The following ABCB11 variants were observed in gnomAD, a reference collection of about 807,000 sequenced individuals.
The protein encoded by ABCB11 is ATP binding cassette subfamily B member 11, also known as bile salt export pump.
A neutral mutation model predicts 148.0 loss-of-function variants in ABCB11; 95 were observed. That is an observed-to-expected ratio of 0.64 (90% CI 0.54 to 0.76). The LOEUF is 0.76. Among genes scored for constraint, ABCB11 ranks in the 30% least tolerant of loss-of-function variants. The probability of loss-of-function intolerance (pLI) is 0.00; values close to 1 mark genes in which losing one functional copy is unlikely to be tolerated. For synonymous variants in ABCB11, 591 were observed against 555.4 expected (o/e 1.06, Z -0.90); for missense variants, 1,523 against 1,617.8 (o/e 0.94, Z 1.01).
At chr2:168,919,642 C>T (rs935078345), downstream of ABCB11, among the ~76,000 whole-genome samples, 2 of 151,776 alleles carry the variant, frequency 1.3e-5, no homozygotes, top group African/African-American at 4.8e-5. Context: ...AAAAAAAAGC[C>T]CCCTTTTGTG....
In ABCB11 at chr2:168,935,274, T is replaced by C. The variant is rs1160633234; in HGVS notation, c.2966A>G (p.Gln989Arg). ...AGAATTCGCAATAAACATGATGCAC[T>C]GGGCAAAGGCAAAGCAGAATCCGTA... ...NIYGFCFAFA[Q>R]CIMFIANSAS... is the part of the protein sequence containing the mutation. Residue 989 changes from glutamine (Q) to arginine (R), a missense_variant, in exon 23 of 28, where the codon CAG becomes CGG. By Grantham distance (43) the Gln-to-Arg change is conservative. Transcript: ENST00000650372. 1.2e-6 allele frequency: 2 copies of C among 1,614,030 alleles called. No homozygotes were observed. Among genetic ancestry groups the C allele is most frequent in the South Asian group, 1.1e-5 (1 of 91,088 alleles).
At chr2:168,924,624 A>T in intron 27 of ABCB11, 33 bp downstream of exon 27, 1 of 1,600,684 alleles carries the variant, frequency 6.2e-7, no homozygotes, top group Non-Finnish European at 8.5e-7. Flanking sequence ...ACTTATTTGT[A>T]ATGATCTAAG....
chr2:168,998,867 G>T (rs1299931706), intron 5 of ABCB11, among the ~76,000 whole-genome samples: 1 of 152,010 alleles, frequency 6.6e-6, no homozygotes, highest in Non-Finnish European at 1.5e-5. Flanking sequence ...ATTTTATTCT[G>T]GGAAGAAGAG....
chr2:168,923,438 T>G lies in ABCB11; in HGVS notation c.*184A>C. The G allele has an allele frequency of 1.6e-6, 1 of 635,016 alleles. No homozygotes were observed. Among genetic ancestry groups the G allele is most frequent in the South Asian group, 2.0e-5 (1 of 49,538 alleles). 39.3% of individuals were successfully genotyped at this position (635,016 alleles called of 1,614,324 possible). ...GTATACACATCTAAAGCAGAATTAT[T>G]ATGGAAGGCCATTAGAAATTAGCTT... On this transcript the variant is annotated 3_prime_UTR_variant, in exon 28 of 28. Transcript: ENST00000650372.
At chr2:168,943,133 T>C (rs1692143441) in intron 21 of ABCB11, among the ~76,000 whole-genome samples, 1 of 151,926 alleles carries the variant, frequency 6.6e-6, no homozygotes, top group African/African-American at 2.4e-5. Context: ...ATTCTAGTGA[T>C]AGCAAATAAC....
chr2:168,929,436 A>T (rs1448286370), intron 25 of ABCB11, among the ~76,000 whole-genome samples: 1 of 152,186 alleles, frequency 6.6e-6, no homozygotes, highest in East Asian at 1.9e-4. Flanking sequence ...AAAACAATCA[A>T]AAAAATATAA....
chr2:168,957,136 A>G (rs1395176822), intron 19 of ABCB11, among the ~76,000 whole-genome samples: 1 of 151,596 alleles, frequency 6.6e-6, no homozygotes, highest in Admixed American at 6.6e-5. Flanking sequence ...TACTGTTTCC[A>G]TGATCAAATT....
chr2:168,955,926 A>T (rs1404966460), intron 19 of ABCB11, among the ~76,000 whole-genome samples: 6 of 151,738 alleles, frequency 4.0e-5, no homozygotes, highest in African/African-American at 7.2e-5. Context: ...TCCAAAACCC[A>T]GCATGGCAGT....
chr2:168,946,693 A>T (rs1692339040), intron 19 of ABCB11, among the ~76,000 whole-genome samples: 1 of 151,834 alleles, frequency 6.6e-6, no homozygotes, highest in South Asian at 2.1e-4. Flanking sequence ...TCTATAGAAC[A>T]GCAGATTTTC....
At chr2:168,975,298 TATATTTAA>T (rs1341795710) in intron 12 of ABCB11, among the ~76,000 whole-genome samples, 946 of 40,124 alleles carry the variant, frequency 0.024, 208 homozygotes, top group Middle Eastern at 0.077. Context: ...TAAATATTTT[TATATTTAA>T]ATATTTATAG....
intron 5 of ABCB11, among the ~76,000 whole-genome samples, chr2:169,012,396 AAC>A (rs1478747715): frequency 1.3e-5 from 2 of 152,146 alleles, no homozygotes; most frequent in Non-Finnish European, 2.9e-5. Flanking sequence ...TCACAAAGAA[AAC>A]AGTAGCATAG....
At chr2:169,008,691 G>A (rs959487608) in intron 5 of ABCB11, among the ~76,000 whole-genome samples, 9 of 152,146 alleles carry the variant, frequency 5.9e-5, no homozygotes, top group African/African-American at 2.2e-4. Flanking sequence ...TACACTGTTA[G>A]CAGAAATGTA....
At chr2:169,008,599 G>C (rs557409164) in intron 5 of ABCB11, among the ~76,000 whole-genome samples, 1 of 152,136 alleles carries the variant, frequency 6.6e-6, no homozygotes. Context: ...ATATCTTTGG[G>C]GGTCATTATT....
At chr2:168,979,290 C>T (rs746823894) in intron 11 of ABCB11, among the ~76,000 whole-genome samples, 18 of 152,012 alleles carry the variant, frequency 1.2e-4, no homozygotes, top group Admixed American at 2.0e-4. Context: ...TTACTTCCCA[C>T]GCCCCACCTC....
At chr2:168,960,904 AATT>A (rs1378708667) in intron 18 of ABCB11, among the ~76,000 whole-genome samples, 13 of 151,738 alleles carry the variant, frequency 8.6e-5, no homozygotes, top group Admixed American at 8.5e-4. Context: ...AGACAGGTAA[AATT>A]ATAAAATTTA....
At chr2:168,969,959 CT>C (rs1369251009) in intron 15 of ABCB11, 85 bp downstream of exon 15, 64 of 959,216 alleles carry the variant, frequency 6.7e-5, no homozygotes, top group East Asian at 9.9e-5. Flanking sequence ...ACTCCCATCC[CT>C]CCCACCCCAC....
In ABCB11 at chr2:169,000,462, ATT is replaced by A. The variant is rs771338927; in HGVS notation, c.390-3742_390-3741del. On this transcript the variant is annotated intron_variant, in intron 5 of 27. Coordinates refer to ENST00000650372, the MANE Select transcript of ABCB11 (RefSeq NM_003742.4). ...ATAAGTCCATGATTCATTTAAGAAAATTTTTGTGTAATTTCATTTTTTTGCCC... is the reference window on the plus strand; with the variant it reads ...ATAAGTCCATGATTCATTTAAGAAAATTTGTGTAATTTCATTTTTTTGCCC... 1.1e-3 allele frequency among the ~76,000 whole-genome samples: 174 copies of A among 152,216 alleles called. 1 individual carries two copies. Among genetic ancestry groups the A allele is most frequent in the Admixed American group, 2.5e-3 (38 of 15,246 alleles).
At position 168,969,457 on chromosome 2, in the gene ABCB11, A is replaced by T. The variant is rs1190787525; in HGVS notation, c.1904T>A (p.Val635Glu). The stretch of plus-strand genomic sequence containing the variant: ...TAATTCTTCATGGGTCCCTCTTTCC[A>T]CTGCAGTGCCATGTTCAAAACCAAT... Reference protein sequence around the residue: ...TIIGFEHGTAVERGTHEELLE... With the variant: ...TIIGFEHGTAEERGTHEELLE... Residue 635 changes from valine (V) to glutamate (E), a missense_variant, in exon 16 of 28, where the codon GTG (valine) becomes GAG (glutamate). Physicochemically the swap from Val to Glu is moderately radical, Grantham distance 121. Coordinates refer to ENST00000650372, the MANE Select transcript of ABCB11 (RefSeq NM_003742.4). 6.2e-7 allele frequency: 1 copy of T among 1,612,390 alleles called. No individual in the cohort carries two copies. The highest frequency in any genetic ancestry group is 1.7e-5 in the Admixed American group (1 of 59,790).
intron 5 of ABCB11, among the ~76,000 whole-genome samples, chr2:169,007,399 A>G (rs796365641): frequency 5.3e-5 from 8 of 152,200 alleles, no homozygotes; most frequent in African/African-American, 1.9e-4. Flanking sequence ...TCACACTGCT[A>G]TAAAGAAATA....
Sources: allele counts gnomAD v4.1 joint callset (sites outside exome capture counted in the v4.1 genomes callset), GRCh38; gene constraint gnomAD v4.1.1; transcripts MANE v1.5; gene names NCBI Gene and HGNC (gene_info 2026-07-23, HGNC 2026-07-21).